The following EYA2 variants were observed in gnomAD, a reference collection of about 807,000 sequenced individuals.
EYA2 encodes the protein EYA transcriptional coactivator and phosphatase 2.
A neutral mutation model predicts 69.2 loss-of-function variants in EYA2; 31 were observed. That is an observed-to-expected ratio of 0.45 (90% CI 0.34 to 0.60). EYA2 has a LOEUF of 0.60. Among genes scored for constraint, EYA2 ranks in the 20% least tolerant of loss-of-function variants. The pLI is 0.02. For missense variants in EYA2, 622 were observed against 701.2 expected (o/e 0.89, Z 1.28); for synonymous variants, 257 against 279.4 (o/e 0.92, Z 0.80).
chr20:47,181,008 G>T, intron 14 of EYA2, 72 bp downstream of exon 14: 1 of 1,562,768 alleles, frequency 6.4e-7, no homozygotes, highest in Non-Finnish European at 8.7e-7. Flanking sequence ...CTGGGAATGG[G>T]GTGTTTAAGG....
At chr20:47,034,577 G>T (rs1158862914) in intron 5 of EYA2, among the ~76,000 whole-genome samples, 1 of 152,134 alleles carries the variant, frequency 6.6e-6, no homozygotes, top group African/African-American at 2.4e-5. Flanking sequence ...CCCCAACTTT[G>T]CAATTCAGAG....
intron 4 of EYA2, among the ~76,000 whole-genome samples, chr20:47,005,492 T>C (rs1284178999): frequency 2.0e-5 from 3 of 152,222 alleles, no homozygotes; most frequent in Non-Finnish European, 4.4e-5. Context: ...ACTCAAGGTT[T>C]GCATCCTTTT....
At chr20:46,910,552 G>A (rs1264090958) in intron 1 of EYA2, among the ~76,000 whole-genome samples, 1 of 152,186 alleles carries the variant, frequency 6.6e-6, no homozygotes, top group Non-Finnish European at 1.5e-5. Flanking sequence ...GGGCTTCAGA[G>A]GATAAGTGAG....
At chr20:47,085,145 T>C (rs2031855192) in intron 7 of EYA2, among the ~76,000 whole-genome samples, 1 of 151,840 alleles carries the variant, frequency 6.6e-6, no homozygotes, top group South Asian at 2.1e-4. Flanking sequence ...CCTCATCCAT[T>C]TTTTCAAAAG....
At chr20:47,001,495 C>T (rs377592805) in intron 3 of EYA2, 22 bp downstream of exon 3, 86 of 1,613,176 alleles carry the variant, frequency 5.3e-5, no homozygotes, top group Non-Finnish European at 7.1e-5. Flanking sequence ...TCACTTGTCT[C>T]CTGCTCACAT....
chr20:46,942,309 G>A (rs1163982163), intron 1 of EYA2, among the ~76,000 whole-genome samples: 2 of 152,080 alleles, frequency 1.3e-5, no homozygotes, highest in Non-Finnish European at 2.9e-5. Context: ...CTGGGCTTAA[G>A]TGATCTTCCC....
intron 9 of EYA2, among the ~76,000 whole-genome samples, chr20:47,103,854 T>C (rs2032500471): frequency 6.6e-6 from 1 of 152,212 alleles, no homozygotes; most frequent in African/African-American, 2.4e-5. Context: ...CATTTATCAG[T>C]TGGATAGTTG....
rs779588485 is a variant in EYA2, at chr20:47,188,740, G to A, written c.*607G>A. ...TTGACGTCATGTGGACAGTGCACGT[G>A]CCTTACGCTACATCTTGTTTTCTAG... On this transcript the variant is annotated 3_prime_UTR_variant, in exon 16 of 16. Transcript: ENST00000327619. 5.9e-6 allele frequency: 1 copy of A among 170,720 alleles called. No homozygotes were observed. Among genetic ancestry groups the A allele is most frequent in the Non-Finnish European group, 1.2e-5 (1 of 80,080 alleles). 10.6% of individuals were successfully genotyped at this position (170,720 alleles called of 1,614,324 possible).
intron 1 of EYA2, among the ~76,000 whole-genome samples, chr20:46,953,727 A>C (rs1978947036): frequency 6.6e-6 from 1 of 152,172 alleles, no homozygotes; most frequent in Non-Finnish European, 1.5e-5. Context: ...AAGTAAAATC[A>C]CTGCCATTCA....
intron 11 of EYA2, 38 bp from the exon 12 acceptor site, chr20:47,172,669 C>T: frequency 6.4e-7 from 1 of 1,567,642 alleles, no homozygotes; most frequent in Non-Finnish European, 8.7e-7. Context: ...CCTGCACCCC[C>T]CTGCACTAAC....
At chr20:46,958,818 T>G (rs1485131342) in intron 1 of EYA2, among the ~76,000 whole-genome samples, 1 of 152,214 alleles carries the variant, frequency 6.6e-6, no homozygotes, top group Non-Finnish European at 1.5e-5. Context: ...CCCGTGATAG[T>G]TTGCTAAGGG....
intron 9 of EYA2, among the ~76,000 whole-genome samples, chr20:47,114,822 T>G (rs1258354549): frequency 6.6e-6 from 1 of 152,198 alleles, no homozygotes; most frequent in African/African-American, 2.4e-5. Context: ...TTGTGAGATC[T>G]GGTCATTTAA....
intron 5 of EYA2, among the ~76,000 whole-genome samples, chr20:47,051,125 G>A (rs2030307634): frequency 6.6e-6 from 1 of 152,270 alleles, no homozygotes; most frequent in Admixed American, 6.5e-5. Flanking sequence ...TTGCCCTGGG[G>A]CGAGACCCTA....
At chr20:47,170,661 A>G (rs535702565) in intron 11 of EYA2, among the ~76,000 whole-genome samples, 32 of 152,096 alleles carry the variant, frequency 2.1e-4, no homozygotes, top group Admixed American at 4.6e-4. Flanking sequence ...AAAAAAAAAA[A>G]AGAGAGACAG....
intron 9 of EYA2, among the ~76,000 whole-genome samples, chr20:47,131,259 T>G (rs1274961652): frequency 1.3e-5 from 2 of 152,180 alleles, no homozygotes; most frequent in Non-Finnish European, 2.9e-5. Context: ...TACAGTGCAT[T>G]AGAAGACATT....
chr20:46,922,489 A>T (rs1421098862), intron 1 of EYA2, among the ~76,000 whole-genome samples: 1 of 152,254 alleles, frequency 6.6e-6, no homozygotes, highest in East Asian at 1.9e-4. Flanking sequence ...GAAATGTAAC[A>T]ACAGCAGGCT....
chr20:47,134,586 A>ACACAAACACACACAC (rs376090617), intron 9 of EYA2, among the ~76,000 whole-genome samples: 3,323 of 151,846 alleles, frequency 0.022, 113 homozygotes, highest in East Asian at 0.088. Context: ...ACACACACAC[A>ACACAAACACACACAC]CACAAACACA....
rs565550590 is a variant in EYA2 at position 47,018,825 on chromosome 20, G to A, written c.415+2528G>A. Reference sequence around the variant, plus strand: ...GAGGGCAAGTGACTTGCCTGAAACCGCAGAGCCAATAAGTGTTCAGAGCTG... The same window carrying A: ...GAGGGCAAGTGACTTGCCTGAAACCACAGAGCCAATAAGTGTTCAGAGCTG... On this transcript the variant is annotated intron_variant, in intron 5 of 15. Transcript: ENST00000327619. Among the ~76,000 whole-genome samples, 7 of 152,322 alleles carry A rather than the reference G, an allele frequency of 4.6e-5. No homozygotes were observed. In the South Asian group the frequency reaches 1.2e-3, roughly 27 times the overall value.
chr20:47,075,068 G>A (rs772816108), intron 7 of EYA2, among the ~76,000 whole-genome samples: 4 of 152,354 alleles, frequency 2.6e-5, no homozygotes, highest in South Asian at 2.1e-4. Context: ...CCGAGATCGC[G>A]CCATTGCGCT....
Sources: allele counts gnomAD v4.1 joint callset (sites outside exome capture counted in the v4.1 genomes callset), GRCh38; gene constraint gnomAD v4.1.1; transcripts MANE v1.5; gene names NCBI Gene and HGNC (gene_info 2026-07-23, HGNC 2026-07-21).